The following PPAT variants were observed in gnomAD, a reference collection of about 807,000 sequenced individuals.
The protein encoded by PPAT is phosphoribosyl pyrophosphate amidotransferase.
In PPAT, 20 loss-of-function variants were observed where a neutral mutation model predicts 60.2. The ratio of observed to expected loss-of-function variants is 0.33; its 90% CI spans 0.23 to 0.48. PPAT has a LOEUF of 0.48. Among genes scored for constraint, PPAT ranks in the 20% least tolerant of loss-of-function variants. The pLI, the probability that PPAT is intolerant of heterozygous loss-of-function variation, is 0.99. For synonymous variants in PPAT, 194 were observed against 215.1 expected (o/e 0.90, Z 0.86); for missense variants, 349 against 629.6 (o/e 0.55, Z 4.77).
chr4:56,424,806 G>C lies in PPAT; in HGVS notation c.128+10544C>G, dbSNP rs186586010. The stretch of plus-strand genomic sequence containing the variant: ...TTGACTTAATTCCGCTCCAATATCA[G>C]CTGCCATTTATATGAGCTGGTATGC... On this transcript the variant is annotated intron_variant, in intron 1 of 10. Transcript: ENST00000264220. 3.3e-3 allele frequency among the ~76,000 whole-genome samples: 506 copies of C among 152,304 alleles called. 4 individuals are homozygous for C. Among genetic ancestry groups the C allele is most frequent in the Middle Eastern group, 0.014 (4 of 294 alleles).
At chr4:56,421,437 A>G (rs1379004811) in intron 1 of PPAT, 1 of 152,436 alleles carries the variant, frequency 6.6e-6, no homozygotes, top group East Asian at 1.9e-4. Flanking sequence ...CCCCTGGTCC[A>G]TGGAAAAATT....
chr4:56,412,664 T>A lies in PPAT; in HGVS notation c.129-4948A>T, dbSNP rs942130101. Among the ~76,000 whole-genome samples the A allele has an allele frequency of 3.3e-5, 5 of 152,338 alleles. No homozygotes were observed. The East Asian group carries it at 9.6e-4, about 29-fold the overall frequency. ...TTCCAATCACTTATACAGAAACATT[T>A]GAGATATCCTTGATTTTTGGTCAGT... On this transcript the variant is annotated intron_variant, in intron 1 of 10. Coordinates refer to ENST00000264220, the MANE Select transcript of PPAT (RefSeq NM_002703.5).
chr4:56,433,163 A>C (rs2110071586), intron 1 of PPAT, among the ~76,000 whole-genome samples: 1 of 152,098 alleles, frequency 6.6e-6, no homozygotes, highest in South Asian at 2.1e-4. Context: ...ACTTTAGCTC[A>C]TGTAAAATTT....
chr4:56,395,127 G>A lies in PPAT; in HGVS notation c.*225C>T. ...GTTAAAAAGGCTAGCCAATGCTTGT[G>A]TAAAAAAAAGAACACCACATATTGT... On this transcript the variant is annotated 3_prime_UTR_variant, in exon 11 of 11. Coordinates refer to ENST00000264220, the MANE Select transcript of PPAT (RefSeq NM_002703.5). 9.3e-6 allele frequency: 4 copies of A among 430,906 alleles called. No homozygotes were observed. The highest frequency in any genetic ancestry group is 9.6e-5 in the Admixed American group (2 of 20,800). 26.7% of individuals were successfully genotyped at this position (430,906 alleles called of 1,614,324 possible). A position where few individuals can be genotyped will look rare whatever the true frequency, so the allele number is the denominator to read the frequency against.
chr4:56,432,940 GACC>G (rs1051196307), intron 1 of PPAT, among the ~76,000 whole-genome samples: 57 of 151,156 alleles, frequency 3.8e-4, no homozygotes, highest in African/African-American at 1.3e-3. Flanking sequence ...TTCTGCAACA[GACC>G]ACCACTTCTC....
chr4:56,416,380 G>A (rs1716750995), intron 1 of PPAT: 2 of 904,214 alleles, frequency 2.2e-6, no homozygotes, highest in Non-Finnish European at 2.6e-6. Flanking sequence ...CAGTAGATAA[G>A]GAAGATGTCT....
intron 1 of PPAT, among the ~76,000 whole-genome samples, chr4:56,408,918 C>G (rs1399480977): frequency 6.6e-6 from 1 of 152,086 alleles, no homozygotes; most frequent in Non-Finnish European, 1.5e-5. Context: ...GCGCGCTAAC[C>G]TTGTATAAAA....
intron 1 of PPAT, chr4:56,416,400 CT>C: frequency 1.1e-6 from 1 of 904,348 alleles, no homozygotes; most frequent in Non-Finnish European, 1.3e-6. Context: ...TCAGGAAATC[CT>C]TTACTTCTGG....
At chr4:56,407,582 T>C in intron 2 of PPAT, 68 bp downstream of exon 2, 1 of 1,328,508 alleles carries the variant, frequency 7.5e-7, no homozygotes, top group Non-Finnish European at 1.1e-6. Flanking sequence ...CCTGCCAAAG[T>C]CCTGGGATTA....
At chr4:56,432,525 C>CA (rs34998854) in intron 1 of PPAT, among the ~76,000 whole-genome samples, 17,984 of 75,112 alleles carry the variant, frequency 0.24, 1,693 homozygotes, top group East Asian at 0.58. Context: ...GACCCTGTCT[C>CA]AAAAAAAAAA....
chr4:56,417,846 T>TTTTC (rs1716845300), intron 1 of PPAT, among the ~76,000 whole-genome samples: 1 of 150,148 alleles, frequency 6.7e-6, no homozygotes, highest in African/African-American at 2.5e-5. Context: ...TTTTTTGTTT[T>TTTTC]TTTTTTTTTT....
chr4:56,401,653 T>A (rs1443081405), intron 6 of PPAT, among the ~76,000 whole-genome samples, 172 bp from the exon 7 acceptor site: 1 of 152,206 alleles, frequency 6.6e-6, no homozygotes, highest in African/African-American at 2.4e-5. Context: ...CAATGATTTC[T>A]TTATAATCTC....
intron 1 of PPAT, among the ~76,000 whole-genome samples, chr4:56,434,594 TAG>T (rs1481602544): frequency 6.6e-6 from 1 of 152,178 alleles, no homozygotes; most frequent in African/African-American, 2.4e-5. Context: ...GATCTTGGCA[TAG>T]AGACACTACT....
rs957823101 is a variant in PPAT, at chr4:56,423,743, T to TAGTC, written c.128+11603_128+11606dup. Among the ~76,000 whole-genome samples, 6 of 152,004 alleles carry TAGTC rather than the reference T, an allele frequency of 3.9e-5. 1 individual carries two copies. Among genetic ancestry groups the TAGTC allele is most frequent in the Admixed American group, 3.9e-4 (6 of 15,254 alleles). ...GAAAATGTGAAACAGGACAAATGCA[T>TAGTC]AGTCATCCTAGAGATTATATTATTT... On this transcript the variant is annotated intron_variant, in intron 1 of 10. Coordinates refer to ENST00000264220, the MANE Select transcript of PPAT (RefSeq NM_002703.5).
chr4:56,399,149 T>C (rs1716053928), intron 9 of PPAT, 30 bp downstream of exon 9: 1 of 1,550,512 alleles, frequency 6.4e-7, no homozygotes, highest in Middle Eastern at 1.7e-4. Context: ...TGTTAACTTA[T>C]GCTTTAGGAT....
At chr4:56,418,704 A>C (rs1331984657) in intron 1 of PPAT, among the ~76,000 whole-genome samples, 1 of 152,250 alleles carries the variant, frequency 6.6e-6, no homozygotes, top group African/African-American at 2.4e-5. Flanking sequence ...TGTGCTTGTA[A>C]GTTTATAATT....
rs148674920 is a variant in PPAT at position 56,395,617 on chromosome 4, G to C, written c.1358-69C>G. ...AGAAAGGAAGAAACGCGTCAACAGA[G>C]AATAGTTACAAACAGAATAATTTAA... On this transcript the variant is annotated intron_variant, in intron 10 of 10. Transcript: ENST00000264220. The C allele has an allele frequency of 1.6e-3, 1,761 of 1,108,328 alleles. 2 individuals are homozygous for C. Among genetic ancestry groups the C allele is most frequent in the Non-Finnish European group, 1.9e-3 (1,585 of 827,404 alleles). 68.7% of individuals were successfully genotyped at this position (1,108,328 alleles called of 1,614,324 possible). A position where few individuals can be genotyped will look rare whatever the true frequency, so the allele number is the denominator to read the frequency against.
chr4:56,426,747 T>C (rs1237964236), intron 1 of PPAT, among the ~76,000 whole-genome samples: 6 of 152,318 alleles, frequency 3.9e-5, no homozygotes, highest in African/African-American at 1.2e-4. Context: ...CTGGTACAAT[T>C]TTTTTCCCAT....
rs570913052 is a variant in PPAT, at chr4:56,397,996, C to G, written c.1236+1183G>C. 9.9e-5 allele frequency among the ~76,000 whole-genome samples: 15 copies of G among 151,790 alleles called. No individual in the cohort carries two copies. In the South Asian group the frequency reaches 2.9e-3, roughly 30 times the overall value. Reference sequence around the variant, plus strand: ...GGTGGAGGTTGCAGTAAGCTGAGATCGAACCACTGCATTCCAACCAGGTGA... The same window carrying G: ...GGTGGAGGTTGCAGTAAGCTGAGATGGAACCACTGCATTCCAACCAGGTGA... On this transcript the variant is annotated intron_variant, in intron 9 of 10. Transcript: ENST00000264220.
Sources: allele counts gnomAD v4.1 joint callset (sites outside exome capture counted in the v4.1 genomes callset), GRCh38; gene constraint gnomAD v4.1.1; transcripts MANE v1.5; gene names NCBI Gene and HGNC (gene_info 2026-07-23, HGNC 2026-07-21).